C6orf89: variants seen among roughly 807,000 people sequenced by gnomAD.
The protein encoded by C6orf89 is bombesin receptor-activated protein C6orf89.
A neutral mutation model predicts 40.7 loss-of-function variants in C6orf89; 29 were observed. The ratio of observed to expected loss-of-function variants is 0.71; its 90% CI spans 0.53 to 0.97. C6orf89 has a LOEUF of 0.97. Among genes scored for constraint, C6orf89 ranks in the 50% least tolerant of loss-of-function variants. The pLI is 0.00. For missense variants in C6orf89, 392 were observed against 429.1 expected (o/e 0.91, Z 0.76); for synonymous variants, 165 against 152.2 (o/e 1.08, Z -0.62).
At chr6:36,919,018 AAAC>A (rs1762420207) in intron 7 of C6orf89, among the ~76,000 whole-genome samples, 1 of 152,202 alleles carries the variant, frequency 6.6e-6, no homozygotes, top group Non-Finnish European at 1.5e-5. Flanking sequence ...GTGTAAACTT[AAAC>A]TTGCTGCTGT....
chr6:36,922,209 G>A (rs759765063), intron 8 of C6orf89, among the ~76,000 whole-genome samples: 5 of 152,066 alleles, frequency 3.3e-5, no homozygotes, highest in South Asian at 2.1e-4. Flanking sequence ...GCATGGTGGT[G>A]TGCACCTGTA....
At chr6:36,916,926 G>C (rs1762344109) in intron 7 of C6orf89, among the ~76,000 whole-genome samples, 3 of 152,188 alleles carry the variant, frequency 2.0e-5, no homozygotes, top group Admixed American at 6.5e-5. Flanking sequence ...AAGTAGGCAA[G>C]CAGCCATGAT....
intron 3 of C6orf89, among the ~76,000 whole-genome samples, 176 bp from the exon 4 acceptor site, chr6:36,902,045 T>C (rs750606094): frequency 1.3e-5 from 2 of 152,208 alleles, no homozygotes; most frequent in Non-Finnish European, 2.9e-5. Context: ...GCAGTCCCTA[T>C]AGTTCTCAAA....
At position 36,923,567 on chromosome 6, in the gene C6orf89, C is replaced by A; in HGVS notation, c.*126C>A. 1.3e-6 allele frequency: 1 copy of A among 741,562 alleles called. No homozygotes were observed. Among genetic ancestry groups the A allele is most frequent in the Non-Finnish European group, 2.4e-6 (1 of 412,208 alleles). 45.9% of individuals were successfully genotyped at this position (741,562 alleles called of 1,614,324 possible). A position where few individuals can be genotyped will look rare whatever the true frequency, so the allele number is the denominator to read the frequency against. The stretch of plus-strand genomic sequence containing the variant: ...TACTTAGTTACCTGCCCTTTGCATG[C>A]ATGTGTGAACCAGCTGTGAGCTGCA... On this transcript the variant is annotated 3_prime_UTR_variant, in exon 9 of 9. Transcript: ENST00000480824.
chr6:36,899,195 G>A (rs1761565791), intron 2 of C6orf89, among the ~76,000 whole-genome samples: 1 of 152,092 alleles, frequency 6.6e-6, no homozygotes, highest in African/African-American at 2.4e-5. Flanking sequence ...GGGAACTAGT[G>A]CAGGTCTGTA....
At chr6:36,878,865 T>A in intron 1 of C6orf89, 1 of 152,260 alleles carries the variant, frequency 6.6e-6, no homozygotes, top group East Asian at 1.9e-4. Flanking sequence ...TACCTTTTTG[T>A]CTATAAATTT....
intron 1 of C6orf89, among the ~76,000 whole-genome samples, chr6:36,874,141 G>C (rs575223577): frequency 6.6e-6 from 1 of 152,318 alleles, no homozygotes; most frequent in African/African-American, 2.4e-5. Context: ...TATTGAAAGG[G>C]AGAAAGTTAA....
chr6:36,918,293 A>G (rs912594949), intron 7 of C6orf89, among the ~76,000 whole-genome samples: 5 of 152,234 alleles, frequency 3.3e-5, no homozygotes, highest in African/African-American at 1.2e-4. Context: ...ATGGATGAAC[A>G]TGACCCTGCC....
In C6orf89 at chr6:36,927,064, T is replaced by C. The variant is rs1762705476; in HGVS notation, c.*3623T>C. Reference sequence around the variant, plus strand: ...TCCCCTCCCCATTTGAAAACTCTTTTTAAGAGTGAATGTAGCTGAAACACA... The same window carrying C: ...TCCCCTCCCCATTTGAAAACTCTTTCTAAGAGTGAATGTAGCTGAAACACA... On this transcript the variant is annotated 3_prime_UTR_variant, in exon 9 of 9. Transcript: ENST00000480824. The C allele has an allele frequency of 6.6e-6, 1 of 152,176 alleles. No homozygotes were observed. The allele number at this position is 152,176 out of a possible 1,614,324, so 9.4% of individuals were successfully genotyped here.
intron 8 of C6orf89, among the ~76,000 whole-genome samples, chr6:36,920,208 G>A (rs1298328818): frequency 1.3e-5 from 2 of 152,210 alleles, no homozygotes; most frequent in African/African-American, 4.8e-5. Flanking sequence ...GTTACCTTCT[G>A]TGTGGCTGCC....
At chr6:36,902,519 A>G in intron 4 of C6orf89, 85 bp downstream of exon 4, 10 of 1,211,192 alleles carry the variant, frequency 8.3e-6, no homozygotes, top group Non-Finnish European at 1.2e-5. Flanking sequence ...TTGATACCTA[A>G]TGAGAGGCAA....
chr6:36,921,620 C>T (rs757112410), intron 8 of C6orf89, among the ~76,000 whole-genome samples: 17 of 152,236 alleles, frequency 1.1e-4, no homozygotes, highest in East Asian at 3.9e-4. Flanking sequence ...GCCCATAGTA[C>T]GCTAGAATAA....
At chr6:36,904,831 T>C (rs1403376043) in intron 4 of C6orf89, among the ~76,000 whole-genome samples, 1 of 152,130 alleles carries the variant, frequency 6.6e-6, no homozygotes, top group Non-Finnish European at 1.5e-5. Flanking sequence ...TGGTGCTCCT[T>C]GCAGTGGCAC....
chr6:36,919,531 C>T (rs773691208), intron 7 of C6orf89, 47 bp from the exon 8 acceptor site: 9 of 1,584,646 alleles, frequency 5.7e-6, no homozygotes, highest in Non-Finnish European at 6.0e-6. Context: ...GGTTTTATTT[C>T]GTTTTCTTTG....
chr6:36,923,202 G>T, intron 8 of C6orf89, 145 bp from the exon 9 acceptor site: 1 of 602,650 alleles, frequency 1.7e-6, no homozygotes, highest in Non-Finnish European at 2.9e-6. Context: ...GAAAAAAAAG[G>T]AAACTAAATT....
At chr6:36,891,302 G>A (rs1202919043) in intron 1 of C6orf89, among the ~76,000 whole-genome samples, 2 of 152,120 alleles carry the variant, frequency 1.3e-5, no homozygotes, top group Non-Finnish European at 1.5e-5. Context: ...CTTCATCCAT[G>A]TCCCTATAAA....
chr6:36,924,667 T>C lies in C6orf89; in HGVS notation c.*1226T>C, dbSNP rs1762623285. On this transcript the variant is annotated 3_prime_UTR_variant, in exon 9 of 9. Coordinates refer to ENST00000480824, the MANE Select transcript of C6orf89 (RefSeq NM_001286635.2). ...CTGTTCCTTTTATTTTTTTCTCTCTTTATTATTCTTTTATTGACACCACTA... is the reference window on the plus strand; with the variant it reads ...CTGTTCCTTTTATTTTTTTCTCTCTCTATTATTCTTTTATTGACACCACTA... The C allele has an allele frequency of 6.6e-6, 1 of 152,206 alleles. No homozygotes were observed. The highest frequency in any genetic ancestry group is 1.5e-5 in the Non-Finnish European group (1 of 68,038). 9.4% of individuals were successfully genotyped at this position (152,206 alleles called of 1,614,324 possible). A position where few individuals can be genotyped will look rare whatever the true frequency, so the allele number is the denominator to read the frequency against.
rs79322722 is a variant in C6orf89, at chr6:36,922,605, A to G, written c.950-742A>G. Reference sequence around the variant, plus strand: ...TGGGAAATGCCTGTCTTGTTGATGCATAGTACATTATTAGTGTATCAAAGA... The same window carrying G: ...TGGGAAATGCCTGTCTTGTTGATGCGTAGTACATTATTAGTGTATCAAAGA... On this transcript the variant is annotated intron_variant, in intron 8 of 8. Coordinates refer to ENST00000480824, the MANE Select transcript of C6orf89 (RefSeq NM_001286635.2). Among the ~76,000 whole-genome samples, 19 of 152,316 alleles carry G rather than the reference A, an allele frequency of 1.2e-4. No individual in the cohort carries two copies. In the East Asian group the frequency reaches 3.3e-3, roughly 26 times the overall value.
chr6:36,883,619 T>C (rs1774883063), upstream of C6orf89, among the ~76,000 whole-genome samples: 1 of 152,216 alleles, frequency 6.6e-6, no homozygotes, highest in Admixed American at 6.5e-5. Flanking sequence ...GAAGGCCCAA[T>C]GTAGGTAACA....
Sources: gnomAD v4.1 joint callset for allele counts (sites outside exome capture counted in the v4.1 genomes callset) on GRCh38, gnomAD v4.1.1 for gene constraint, MANE v1.5 for transcripts, NCBI Gene and HGNC (gene_info 2026-07-23, HGNC 2026-07-21) for gene names.